Variants in RPS6KA5 observed in about 807,000 individuals in gnomAD.
The protein encoded by RPS6KA5 is ribosomal protein S6 kinase A5.
A neutral mutation model predicts 85.5 loss-of-function variants in RPS6KA5; 27 were observed. The observed-to-expected ratio is 0.32, with a 90% CI of 0.23 to 0.44. The LOEUF (loss-of-function observed/expected upper bound fraction) is 0.44, where lower values mean the gene tolerates loss of function less well. Ranked by LOEUF, RPS6KA5 falls within the 20% of genes least tolerant of loss-of-function variation. The pLI, the probability that RPS6KA5 is intolerant of heterozygous loss-of-function variation, is 1.00. For missense variants in RPS6KA5, 811 were observed against 980.9 expected (o/e 0.83, Z 2.31); for synonymous variants, 334 against 348.2 (o/e 0.96, Z 0.46).
intron 2 of RPS6KA5, among the ~76,000 whole-genome samples, chr14:90,991,205 G>T (rs2040292671): frequency 6.6e-6 from 1 of 152,146 alleles, no homozygotes; most frequent in African/African-American, 2.4e-5. Flanking sequence ...TAGCAAGACT[G>T]TATATTACGT....
chr14:90,957,900 G>A (rs2038606734), intron 3 of RPS6KA5, among the ~76,000 whole-genome samples: 1 of 151,696 alleles, frequency 6.6e-6, no homozygotes, highest in African/African-American at 2.4e-5. Context: ...TCAGCACTTG[G>A]AAAGGCCGAG....
intron 2 of RPS6KA5, among the ~76,000 whole-genome samples, chr14:90,989,605 TC>T (rs1299740508): frequency 1.3e-5 from 2 of 152,112 alleles, no homozygotes; most frequent in African/African-American, 4.8e-5. Context: ...CATTTTCTTC[TC>T]CCATACTTGG....
At position 90,856,360 on chromosome 14, in the gene RPS6KA5, A is replaced by AT. The variant is rs756400550; in HGVS notation, c.*15713dup. 90,383 of 126,620 alleles carry AT rather than the reference A, an allele frequency of 0.71. 33,574 individuals carry two copies. Among genetic ancestry groups the AT allele is most frequent in the Non-Finnish European group, 0.8 (50,570 of 63,064 alleles). 7.8% of individuals were successfully genotyped at this position (126,620 alleles called of 1,614,324 possible). A position where few individuals can be genotyped will look rare whatever the true frequency, so the allele number is the denominator to read the frequency against. ...GCTACAGCCTTTCTAGCTATGCGTG[A>AT]TTTTTTTTTTTTTTTTTTTTGAGAC... On this transcript the variant is annotated 3_prime_UTR_variant, in exon 17 of 17. Transcript: ENST00000614987.
rs138299630 is a variant in RPS6KA5 at position 90,850,824 on chromosome 14, G to C, written c.*21250C>G. On this transcript the variant is annotated 3_prime_UTR_variant, in exon 17 of 17. Coordinates refer to ENST00000614987, the MANE Select transcript of RPS6KA5 (RefSeq NM_004755.4). ...GATCTGATCATCTATGCATTCCTCT[G>C]AAATAAATGAAGTCAATTCAAATAA... is the stretch of plus-strand genomic sequence containing the variant. 1.3e-4 allele frequency: 20 copies of C among 152,254 alleles called. 1 individual carries two copies. In the East Asian group the frequency reaches 3.9e-3, roughly 29 times the overall value. 9.4% of individuals were successfully genotyped at this position (152,254 alleles called of 1,614,324 possible).
In RPS6KA5 at chr14:91,020,614, TTGTGTGTG is replaced by T. The variant is rs71117396; in HGVS notation, c.104-19463_104-19456del. Among the ~76,000 whole-genome samples, 773 of 91,322 alleles carry T rather than the reference TTGTGTGTG, an allele frequency of 8.5e-3. 17 individuals carry two copies. The highest frequency in any genetic ancestry group is 0.03 in the African/African-American group (702 of 23,590). 59.9% of individuals were successfully genotyped at this position (91,322 alleles called of 152,430 possible). A position where few individuals can be genotyped will look rare whatever the true frequency, so the allele number is the denominator to read the frequency against. On this transcript the variant is annotated intron_variant, in intron 1 of 16. Transcript: ENST00000614987. ...TGTGTATGTGTATGTATATATCCTA[TTGTGTGTG>T]TGTGTGTGTGTGTGTGTGTGTGTGT...
chr14:91,060,093 G>A, intron 1 of RPS6KA5: 1 of 985,358 alleles, frequency 1.0e-6, no homozygotes, highest in Non-Finnish European at 1.2e-6. Flanking sequence ...CGCTGGCCCC[G>A]ATGCCTGGTG....
chr14:91,019,279 A>T, intron 1 of RPS6KA5, among the ~76,000 whole-genome samples: 1 of 152,176 alleles, frequency 6.6e-6, no homozygotes, highest in South Asian at 2.1e-4. Context: ...GTTGGATGAG[A>T]TTAACATTTA....
intron 14 of RPS6KA5, among the ~76,000 whole-genome samples, chr14:90,880,522 T>C (rs1360053873): frequency 6.6e-6 from 1 of 152,220 alleles, no homozygotes; most frequent in South Asian, 2.1e-4. Flanking sequence ...CTATCATCTA[T>C]CCATGGAAAC....
At chr14:91,037,001 C>T (rs1048820939) in intron 1 of RPS6KA5, among the ~76,000 whole-genome samples, 1 of 152,108 alleles carries the variant, frequency 6.6e-6, no homozygotes, top group Non-Finnish European at 1.5e-5. Flanking sequence ...TTGAAGATGA[C>T]GTCAAATGGT....
chr14:90,914,123 G>A (rs935860927), intron 7 of RPS6KA5, among the ~76,000 whole-genome samples: 1 of 152,052 alleles, frequency 6.6e-6, no homozygotes, highest in African/African-American at 2.4e-5. Flanking sequence ...TGGGTTGACT[G>A]TAGCAGTAGA....
chr14:90,953,535 G>A (rs1369971990), intron 3 of RPS6KA5, among the ~76,000 whole-genome samples: 1 of 152,204 alleles, frequency 6.6e-6, no homozygotes, highest in Non-Finnish European at 1.5e-5. Flanking sequence ...CTGACTGCCT[G>A]CAGGGTTGGG....
chr14:90,982,126 T>C (rs1256047823), intron 2 of RPS6KA5, among the ~76,000 whole-genome samples: 6 of 152,242 alleles, frequency 3.9e-5, no homozygotes, highest in Non-Finnish European at 8.8e-5. Context: ...GGTGGCAATA[T>C]TCTTTTCTTT....
At chr14:91,047,004 A>G (rs1285996) in intron 1 of RPS6KA5, among the ~76,000 whole-genome samples, 105,770 of 149,116 alleles carry the variant, frequency 0.71, 37,699 homozygotes, top group East Asian at 0.87. Context: ...CTGTGATCAC[A>G]TCACTGCACT....
chr14:90,872,149 C>T lies in RPS6KA5; in HGVS notation c.2334G>A (p.Lys778=). The T allele has an allele frequency of 6.2e-7, 1 of 1,613,796 alleles. No homozygotes were observed. The highest frequency in any genetic ancestry group is 8.5e-7 in the Non-Finnish European group (1 of 1,179,948). The change falls in exon 17 of 17, where the codon AAG becomes AAA. Residue 778 remains lysine (K), a synonymous_variant. Coordinates refer to ENST00000614987, the MANE Select transcript of RPS6KA5 (RefSeq NM_004755.4). The part of the protein sequence containing the change: ...SHSHGKTTPT[K]TLQPSNPADS... ...CGGCAGGATTGCTGGGCTGCAGTGT[C>T]TTGGTGGGTGTAGTTTTACCGTGAG...
At chr14:91,053,710 A>G (rs1340908195) in intron 1 of RPS6KA5, among the ~76,000 whole-genome samples, 3 of 152,222 alleles carry the variant, frequency 2.0e-5, no homozygotes, top group Non-Finnish European at 4.4e-5. Flanking sequence ...ACCTAAATAA[A>G]TGGAAAGACA....
rs1286251 is a variant in RPS6KA5, at chr14:90,890,222, G to A, written c.1836+265C>T. ...ATAATATGTGTCTTTAAAAATATAT[G>A]CTATAGTTCCTTTAACTCTCATTGA... On this transcript the variant is annotated intron_variant, in intron 14 of 16. Transcript: ENST00000614987. Among the ~76,000 whole-genome samples the A allele has an allele frequency of 1, 152,256 of 152,326 alleles. 76,093 individuals carry two copies. The highest frequency in any genetic ancestry group is 1 in the Middle Eastern group (294 of 294).
intron 3 of RPS6KA5, among the ~76,000 whole-genome samples, chr14:90,966,272 A>G (rs2039056997): frequency 6.6e-6 from 1 of 152,212 alleles, no homozygotes; most frequent in Non-Finnish European, 1.5e-5. Flanking sequence ...AACTATCATC[A>G]TGTTGTTGAG....
intron 1 of RPS6KA5, among the ~76,000 whole-genome samples, chr14:91,058,309 T>C (rs914427384): frequency 2.0e-5 from 3 of 152,190 alleles, no homozygotes; most frequent in African/African-American, 4.8e-5. Context: ...ATTTCTAAAA[T>C]GCGAACTTGA....
At chr14:90,888,580 AAAG>A (rs10540423) in intron 14 of RPS6KA5, among the ~76,000 whole-genome samples, 29,721 of 152,102 alleles carry the variant, frequency 0.2, 3,020 homozygotes, top group Middle Eastern at 0.23. Context: ...CTTAAAAATA[AAAG>A]AAGAACCATC....
Sources: gnomAD v4.1 joint callset for allele counts (sites outside exome capture counted in the v4.1 genomes callset) on GRCh38, gnomAD v4.1.1 for gene constraint, MANE v1.5 for transcripts, NCBI Gene and HGNC (gene_info 2026-07-23, HGNC 2026-07-21) for gene names.